SAMMSON: variants seen among roughly 807,000 people sequenced by gnomAD.
SAMMSON encodes the protein survival associated mitochondrial melanoma specific oncogenic non-coding RNA.
intron 4 of SAMMSON, among the ~76,000 whole-genome samples, chr3:70,135,514 G>A (rs1002597516): frequency 1.3e-5 from 2 of 151,858 alleles, no homozygotes; most frequent in African/African-American, 2.4e-5. Context: ...AATGCAAGCC[G>A]GAAAAAAACA....
chr3:70,054,634 G>A (rs1354806629), intron 3 of SAMMSON, among the ~76,000 whole-genome samples: 1 of 152,094 alleles, frequency 6.6e-6, no homozygotes, highest in African/African-American at 2.4e-5. Context: ...TAAAGGATGA[G>A]TTTCTATCAT....
chr3:70,020,725 A>G (rs554949713), intron 3 of SAMMSON, among the ~76,000 whole-genome samples: 51 of 152,234 alleles, frequency 3.4e-4, no homozygotes, highest in African/African-American at 1.2e-3. Flanking sequence ...AATAATAATA[A>G]TGATAATAGC....
At chr3:70,141,522 A>G (rs560116638) in intron 4 of SAMMSON, among the ~76,000 whole-genome samples, 10 of 151,962 alleles carry the variant, frequency 6.6e-5, no homozygotes, top group Non-Finnish European at 1.5e-4. Context: ...TCTTCTGGAA[A>G]CACTCTCATA....
chr3:70,433,136 C>G (rs1175234298), intron 2 of SAMMSON, among the ~76,000 whole-genome samples: 2 of 152,058 alleles, frequency 1.3e-5, no homozygotes, highest in African/African-American at 4.8e-5. Flanking sequence ...GTGCACATTT[C>G]TATGTGGATA....
chr3:70,430,735 T>G (rs1224344180), intron 2 of SAMMSON, among the ~76,000 whole-genome samples: 1 of 152,144 alleles, frequency 6.6e-6, no homozygotes, highest in Non-Finnish European at 1.5e-5. Flanking sequence ...TGAGACAAGA[T>G]CAAGATATTT....
intron 3 of SAMMSON, chr3:70,025,113 A>G (rs558697169): frequency 3.3e-5 from 5 of 152,358 alleles, no homozygotes; most frequent in African/African-American, 1.2e-4. Context: ...AATGTTTGCC[A>G]GTTGGCTGAT....
chr3:70,430,339 C>A (rs535084522), intron 2 of SAMMSON, among the ~76,000 whole-genome samples: 2 of 152,222 alleles, frequency 1.3e-5, no homozygotes, highest in African/African-American at 4.8e-5. Flanking sequence ...GGTGAATAAG[C>A]TTTTTGATGT....
At chr3:70,126,442 G>A (rs1023249853) in intron 4 of SAMMSON, 2 of 693,438 alleles carry the variant, frequency 2.9e-6, no homozygotes, top group South Asian at 1.5e-5. Context: ...TATCTGACAG[G>A]TCATGCACCA....
chr3:70,410,390 C>A (rs1701208592), intron 2 of SAMMSON, among the ~76,000 whole-genome samples: 2 of 152,166 alleles, frequency 1.3e-5, no homozygotes, highest in Non-Finnish European at 2.9e-5. Context: ...TCCCCTAAGA[C>A]ATTGTTTAAA....
At chr3:70,133,591 G>T (rs962303569) in intron 4 of SAMMSON, among the ~76,000 whole-genome samples, 3 of 152,070 alleles carry the variant, frequency 2.0e-5, no homozygotes, top group African/African-American at 7.2e-5. Context: ...TCACAGTCTG[G>T]GGCTTGTGAC....
chr3:70,185,481 C>A (rs935682299), intron 4 of SAMMSON, among the ~76,000 whole-genome samples: 3 of 152,106 alleles, frequency 2.0e-5, no homozygotes, highest in African/African-American at 7.2e-5. Context: ...CTCTTGCAGA[C>A]AGAGGATTGA....
intron 3 of SAMMSON, among the ~76,000 whole-genome samples, chr3:70,056,903 T>G (rs2067169912): frequency 6.6e-6 from 1 of 151,984 alleles, no homozygotes; most frequent in South Asian, 2.1e-4. Context: ...AAAAGCCTAA[T>G]CTATATAAAT....
intron 7 of SAMMSON, among the ~76,000 whole-genome samples, chr3:70,320,532 C>T (rs984037039): frequency 3.2e-4 from 48 of 152,000 alleles, no homozygotes; most frequent in African/African-American, 1.1e-3. Context: ...TTACTCTATA[C>T]TTTCATTTCA....
At chr3:70,317,934 G>T (rs1199102215) in intron 7 of SAMMSON, among the ~76,000 whole-genome samples, 1 of 151,558 alleles carries the variant, frequency 6.6e-6, no homozygotes, top group Admixed American at 6.6e-5. Context: ...ATTCTTTATT[G>T]ACAGGTTTTT....
At chr3:70,121,041 G>A (rs1343813336) in intron 4 of SAMMSON, among the ~76,000 whole-genome samples, 3 of 152,224 alleles carry the variant, frequency 2.0e-5, no homozygotes, top group African/African-American at 7.2e-5. Flanking sequence ...TGGGGGTCAT[G>A]AGAGACAGTG....
intron 4 of SAMMSON, chr3:70,184,029 G>T (rs1701073700): frequency 6.6e-6 from 1 of 152,230 alleles, no homozygotes; most frequent in South Asian, 2.1e-4. Context: ...CTCCATGTTG[G>T]TACAAATTCC....
chr3:70,087,792 A>G (rs1165477465), intron 4 of SAMMSON, among the ~76,000 whole-genome samples: 6 of 152,214 alleles, frequency 3.9e-5, no homozygotes, highest in African/African-American at 1.2e-4. Context: ...TCTATAGCAG[A>G]CACACACTGA....
At chr3:70,295,928 A>G (rs953744931) in intron 7 of SAMMSON, among the ~76,000 whole-genome samples, 8 of 152,178 alleles carry the variant, frequency 5.3e-5, no homozygotes, top group Non-Finnish European at 8.8e-5. Context: ...CCTTCATGAA[A>G]ACAATAAAGC....
At chr3:70,251,563 C>G (rs9853883) in intron 6 of SAMMSON, among the ~76,000 whole-genome samples, 1,911 of 152,268 alleles carry the variant, frequency 0.013, 52 homozygotes, top group African/African-American at 0.044. Flanking sequence ...CATTCCTGCT[C>G]CTTTCTGGAA....
Sources: allele counts gnomAD v4.1 joint callset (sites outside exome capture counted in the v4.1 genomes callset), GRCh38; gene constraint gnomAD v4.1.1; transcripts MANE v1.5; gene names NCBI Gene and HGNC (gene_info 2026-07-23, HGNC 2026-07-21).